The following TRPV4 variants were observed in gnomAD, a reference collection of about 807,000 sequenced individuals.
TRPV4 encodes transient receptor potential cation channel subfamily V member 4.
TRPV4 carries 58 observed loss-of-function variants against 84.1 expected under a neutral mutation model. That is an observed-to-expected ratio of 0.69 (90% CI 0.56 to 0.86). TRPV4 has a LOEUF of 0.86. Ranked by LOEUF, TRPV4 falls within the 40% of genes least tolerant of loss-of-function variation. The pLI is 0.00. For synonymous variants in TRPV4, 489 were observed against 500.9 expected, an observed-to-expected ratio of 0.98 and a Z score of 0.32; for missense variants, 879 against 1,181.1, an observed-to-expected ratio of 0.74 and a Z score of 3.75.
Position 109,783,556 on chromosome 12 carries a change from G to A in TRPV4, c.*65C>T. The A allele has an allele frequency of 6.4e-7, 1 of 1,574,260 alleles. No individual in the cohort carries two copies. The highest frequency in any genetic ancestry group is 1.7e-5 in the Admixed American group (1 of 58,184). On this transcript the variant is annotated 3_prime_UTR_variant, in exon 16 of 16. Transcript: ENST00000261740. The surrounding 1 kb of genome is among the most constrained non-coding windows in gnomAD (Gnocchi z 4.6). ...AGGGTGTGGGGGGACACCCCAGAAGGCACTGCTGAAATGCGGCTGGACTAG... is the reference window on the plus strand; with the variant it reads ...AGGGTGTGGGGGGACACCCCAGAAGACACTGCTGAAATGCGGCTGGACTAG...
rs1009860319 is a variant in TRPV4 at position 109,798,500 on chromosome 12, C to T, written c.1152+114G>A. On this transcript the variant is annotated intron_variant, in intron 6 of 15. Transcript: ENST00000261740. This position sits in a 1 kb window ranked among gnomAD's most constrained non-coding sequence, Gnocchi z 5.0. Reference sequence around the variant, plus strand: ...TGGGACATCTGCACACTGGGGTTGGCATGTTGGGAGGTGCATGCACGTATT... The same window carrying T: ...TGGGACATCTGCACACTGGGGTTGGTATGTTGGGAGGTGCATGCACGTATT... 6 of 1,333,672 alleles carry T rather than the reference C, an allele frequency of 4.5e-6. No individual in the cohort carries two copies. The African/African-American group carries it at 5.8e-5, about 13-fold the overall frequency. The allele number at this position is 1,333,672 out of a possible 1,614,324, so 82.6% of individuals were successfully genotyped here.
intron 12 of TRPV4, among the ~76,000 whole-genome samples, chr12:109,789,869 C>T (rs1224999222): frequency 6.6e-6 from 1 of 152,232 alleles, no homozygotes; most frequent in South Asian, 2.1e-4. Context: ...CTGCTATGGA[C>T]ACCAAAGTGT....
In TRPV4 at chr12:109,800,745, C is replaced by T. The variant is rs1192938006; in HGVS notation, c.726G>A (p.Leu242=). The change falls in exon 5 of 16, where the codon CTG becomes CTA. Residue 242 remains leucine (L), a synonymous_variant. Coordinates refer to ENST00000261740, the MANE Select transcript of TRPV4 (RefSeq NM_021625.5). ...RDIYYRGQTA[L]HIAIERRCKH... ...TGCAGCGACGCTCAATGGCGATGTGCAGGGCTGTCTGACCTGGGGGCAGGG... is the reference window on the plus strand; with the variant it reads ...TGCAGCGACGCTCAATGGCGATGTGTAGGGCTGTCTGACCTGGGGGCAGGG... 6.2e-7 allele frequency: 1 copy of T among 1,613,390 alleles called. No individual in the cohort carries two copies. Among genetic ancestry groups the T allele is most frequent in the Non-Finnish European group, 8.5e-7 (1 of 1,179,980 alleles).
intron 1 of TRPV4, among the ~76,000 whole-genome samples, chr12:109,825,150 T>C (rs1892218032): frequency 6.6e-6 from 1 of 152,122 alleles, no homozygotes; most frequent in Admixed American, 6.5e-5. Context: ...GAGACCAGCC[T>C]GGGCAAAATG....
At position 109,814,272 on chromosome 12, in the gene TRPV4, G is replaced by C; in HGVS notation, c.386+139C>G. On this transcript the variant is annotated intron_variant, in intron 2 of 15. Coordinates refer to ENST00000261740, the MANE Select transcript of TRPV4 (RefSeq NM_021625.5). This position sits in a 1 kb window ranked among gnomAD's most constrained non-coding sequence, Gnocchi z 5.4. ...AGGGAGATGAATAGATGGATGGATA[G>C]ATGTATGGATGGTTGGATGGACAGA... The C allele has an allele frequency of 1.0e-6, 1 of 968,034 alleles. No homozygotes were observed. The allele number at this position is 968,034 out of a possible 1,614,324, so 60.0% of individuals were successfully genotyped here.
At chr12:109,827,753 TATACACAC>T (rs1002487364) in intron 1 of TRPV4, among the ~76,000 whole-genome samples, 2 of 149,356 alleles carry the variant, frequency 1.3e-5, no homozygotes, top group African/African-American at 4.9e-5. Context: ...CAGACATACA[TATACACAC>T]ATACACACAT....
At chr12:109,826,968 C>CA in intron 1 of TRPV4, among the ~76,000 whole-genome samples, 1 of 152,162 alleles carries the variant, frequency 6.6e-6, no homozygotes, top group East Asian at 1.9e-4. Flanking sequence ...TGCTGAGGCC[C>CA]AGATGCCTGG....
At chr12:109,800,486 T>A (rs1276823898) in intron 5 of TRPV4, 132 bp downstream of exon 5, 2 of 1,187,482 alleles carry the variant, frequency 1.7e-6, no homozygotes, top group African/African-American at 3.0e-5. Context: ...TCCAGAGTGC[T>A]GCCTGCGCTC....
rs569672233 is a variant in TRPV4, at chr12:109,809,640, TCCAC to T, written c.387-1176_387-1173del. 7.6e-4 allele frequency among the ~76,000 whole-genome samples: 94 copies of T among 124,120 alleles called. No individual in the cohort carries two copies. The East Asian group carries it at 9.2e-3, about 12-fold the overall frequency. 81.4% of individuals were successfully genotyped at this position (124,120 alleles called of 152,430 possible). On this transcript the variant is annotated intron_variant, in intron 2 of 15. Coordinates refer to ENST00000261740, the MANE Select transcript of TRPV4 (RefSeq NM_021625.5). The stretch of plus-strand genomic sequence containing the variant: ...ACTCGTCTATCCATCCATCTGCCTA[TCCAC>T]CCACCCACCCATCCATCCATCCATC...
chr12:109,813,417 G>GAA (rs142309012), intron 2 of TRPV4, among the ~76,000 whole-genome samples: 1 of 150,244 alleles, frequency 6.7e-6, no homozygotes, highest in South Asian at 2.1e-4. Context: ...ATCTCAAAAA[G>GAA]AAAAAAAAAG....
Position 109,808,396 on chromosome 12 carries a change from G to A in TRPV4, c.459C>T (p.Ile153=), listed in dbSNP as rs1291525482. ...AGCCCCGGGACACGATGTCAAAGAG[G>A]ATAGGCCGGTTGAAGACTTTGAGGA... The part of the protein sequence containing the change: ...PPILKVFNRP[I]LFDIVSRGST... Residue 153 remains isoleucine, a synonymous_variant, in exon 3 of 16, where the codon ATC becomes ATT. Coordinates refer to ENST00000261740, the MANE Select transcript of TRPV4 (RefSeq NM_021625.5). 6.2e-7 allele frequency: 1 copy of A among 1,614,208 alleles called. No individual in the cohort carries two copies. The highest frequency in any genetic ancestry group is 1.1e-5 in the South Asian group (1 of 91,090).
rs959793655 is a variant in TRPV4 at position 109,783,442 on chromosome 12, C to T, written c.*179G>A. ...CAAGACAGGTGGCCGGGAGCCCCCA[C>T]CCCAGGGTGGGGAGGCAGAGCCAGG... On this transcript the variant is annotated 3_prime_UTR_variant, in exon 16 of 16. Coordinates refer to ENST00000261740, the MANE Select transcript of TRPV4 (RefSeq NM_021625.5). The surrounding 1 kb of genome is among the most constrained non-coding windows in gnomAD (Gnocchi z 4.6). The T allele has an allele frequency of 6.2e-6, 5 of 807,596 alleles. No individual in the cohort carries two copies. The highest frequency in any genetic ancestry group is 3.5e-5 in the African/African-American group (2 of 57,690). The allele number at this position is 807,596 out of a possible 1,614,324, so 50.0% of individuals were successfully genotyped here.
At chr12:109,818,915 A>G (rs936283649) in intron 1 of TRPV4, among the ~76,000 whole-genome samples, 1 of 152,162 alleles carries the variant, frequency 6.6e-6, no homozygotes, top group South Asian at 2.1e-4. Flanking sequence ...AAGCTAGGCT[A>G]TTGCTCCCAC....
chr12:109,819,844 G>C (rs1892020803), intron 1 of TRPV4, among the ~76,000 whole-genome samples: 1 of 152,222 alleles, frequency 6.6e-6, no homozygotes, highest in African/African-American at 2.4e-5. Context: ...TTACAGGCAT[G>C]AGCCACTGCG....
chr12:109,819,989 G>A (rs961381975), intron 1 of TRPV4, among the ~76,000 whole-genome samples: 1 of 152,180 alleles, frequency 6.6e-6, no homozygotes, highest in Non-Finnish European at 1.5e-5. Context: ...TGTGTAGGAT[G>A]GACAAAGAAT....
Position 109,796,476 on chromosome 12 carries a change from C to A in TRPV4, c.1332+49G>T, listed in dbSNP as rs1283248380. 1 of 1,607,980 alleles carries A rather than the reference C, an allele frequency of 6.2e-7. No individual in the cohort carries two copies. The stretch of plus-strand genomic sequence containing the variant: ...AGCCCCAGGGCCCTGTCCCTACTCC[C>A]AGCCCTGCCCCTCCTTCCTCACACC... On this transcript the variant is annotated intron_variant, in intron 7 of 15. Coordinates refer to ENST00000261740, the MANE Select transcript of TRPV4 (RefSeq NM_021625.5). The surrounding 1 kb of genome is among the most constrained non-coding windows in gnomAD (Gnocchi z 4.2).
chr12:109,791,992 A>T (rs1468441527), intron 12 of TRPV4, among the ~76,000 whole-genome samples: 1 of 151,490 alleles, frequency 6.6e-6, no homozygotes, highest in African/African-American at 2.4e-5. Context: ...CCATTTTGGG[A>T]GGCCAAGGAG....
chr12:109,807,329 G>C (rs538397309), intron 3 of TRPV4, among the ~76,000 whole-genome samples: 2 of 150,002 alleles, frequency 1.3e-5, no homozygotes, highest in South Asian at 4.2e-4. Context: ...CTCAGACTTA[G>C]GCTGTAGACC....
intron 2 of TRPV4, among the ~76,000 whole-genome samples, chr12:109,809,298 C>A (rs1156504004): frequency 6.8e-6 from 1 of 146,534 alleles, no homozygotes; most frequent in East Asian, 2.0e-4. Flanking sequence ...TCCACCTACC[C>A]GCCCATCCAT....
Sources: gnomAD v4.1 joint callset for allele counts (sites outside exome capture counted in the v4.1 genomes callset) on GRCh38, gnomAD v4.1.1 for gene constraint, Gnocchi (gnomAD v3.1) non-coding constraint, MANE v1.5 for transcripts, NCBI Gene and HGNC (gene_info 2026-07-23, HGNC 2026-07-21) for gene names.